Variants in TTN observed in about 807,000 individuals in gnomAD.
TTN encodes connectin.
In TTN, 1,525 loss-of-function variants were observed where a neutral mutation model predicts 3,223.0. The observed-to-expected ratio is 0.47, with a 90% confidence interval of 0.45 to 0.49. The LOEUF (loss-of-function observed/expected upper bound fraction) is 0.49. Ranked by LOEUF, TTN falls within the 20% of genes least tolerant of loss-of-function variation. The pLI is 0.00. For synonymous variants in TTN, 14,094 were observed against 15,161.0 expected (o/e 0.93, Z 5.17); for missense variants, 40,786 against 43,424.0 (o/e 0.94, Z 5.40).
rs1351154366 is a variant in TTN, at chr2:178,728,485, G to C, written c.19426+15C>G. On this transcript the variant is annotated intron_variant, in intron 66 of 362. Coordinates refer to ENST00000589042, the MANE Select transcript of TTN (RefSeq NM_001267550.2). ...ACTATAAATAAGGGAAGCTGACTGG[G>C]GTGAAGATACAAACCTAGCACTCTT... 9.4e-6 allele frequency: 15 copies of C among 1,596,674 alleles called. No homozygotes were observed. The highest frequency in any genetic ancestry group is 3.4e-6 in the Non-Finnish European group (4 of 1,169,344).
intron 47 of TTN, chr2:178,747,357 G>A (rs764185610): frequency 1.2e-6 from 2 of 1,613,302 alleles, no homozygotes; most frequent in Admixed American, 1.7e-5. Flanking sequence ...ATTGAGGATT[G>A]TTTAGTTATA....
chr2:178,786,769 C>A (rs1295782922), intron 13 of TTN, among the ~76,000 whole-genome samples: 4 of 152,096 alleles, frequency 2.6e-5, no homozygotes, highest in Admixed American at 2.6e-4. Context: ...CAAAGAGAAC[C>A]CCGTGCAAAT....
At position 178,601,324 on chromosome 2, in the gene TTN, C is replaced by T. The variant is rs115867512; in HGVS notation, c.55673G>A (p.Arg18558His). 177 of 1,607,778 alleles carry T rather than the reference C, an allele frequency of 1.1e-4. No individual in the cohort carries two copies. Among genetic ancestry groups the T allele is most frequent in the African/African-American group, 2.1e-4 (16 of 74,868 alleles). The change falls in exon 287 of 363, where the codon CGT becomes CAT. Residue 18558 changes from arginine to histidine, a missense_variant. Arg to His is a conservative substitution (Grantham distance 29). Coordinates refer to ENST00000589042, the MANE Select transcript of TTN (RefSeq NM_001267550.2). ...QYFFRVRAEN[R>H]FGIGPPVETI... is the part of the protein sequence containing the mutation. ...TTCCACAGGTGGGCCAATACCAAAA[C>T]GGTTTTCTGCTCGCACACGGAAGAA...
Position 178,554,493 on chromosome 2 carries a change from C to T in TTN, c.88854G>A (p.Glu29618=), listed in dbSNP as rs2154152956. 4.3e-6 allele frequency: 7 copies of T among 1,613,104 alleles called. No individual in the cohort carries two copies. Among genetic ancestry groups the T allele is most frequent in the Non-Finnish European group, 5.9e-6 (7 of 1,179,606 alleles). ...VRAVNKYGIG[E]PLESDSVVAK... Reference sequence around the variant, plus strand: ...CTACAACGGAATCAGATTCCAGTGGCTCGCCAATTCCATATTTGTTCACGG... The same window carrying T: ...CTACAACGGAATCAGATTCCAGTGGTTCGCCAATTCCATATTTGTTCACGG... The change falls in exon 332 of 363, where the codon GAG becomes GAA. Residue 29618 remains glutamate, a synonymous_variant. Transcript: ENST00000589042.
Position 178,800,612 on chromosome 2 carries a change from T to A in TTN, c.366A>T (p.Arg122Ser). The change falls in exon 4 of 363, where the codon AGA becomes AGT. Residue 122 changes from arginine to serine, a missense_variant. Arg to Ser is a moderately radical substitution (Grantham distance 110, BLOSUM62 -1). Transcript: ENST00000589042. ...SMTVRQGSQV[R>S]LQVRVTGIPT... ...GGATTCCAGTCACTCTCACTTGGAG[T>A]CTCACTTGGCTTCCTTGTCTCACGG... 1 of 1,613,056 alleles carries A rather than the reference T, an allele frequency of 6.2e-7. No homozygotes were observed. Among genetic ancestry groups the A allele is most frequent in the Non-Finnish European group, 8.5e-7 (1 of 1,179,390 alleles).
chr2:178,678,691 T>G, intron 143 of TTN, 56 bp downstream of exon 143: 2 of 1,521,592 alleles, frequency 1.3e-6, no homozygotes, highest in Non-Finnish European at 1.8e-6. Flanking sequence ...ACCAATTAAT[T>G]TTTACCCATA....
chr2:178,698,979 C>G, intron 111 of TTN, 65 bp from the exon 112 acceptor site: 1 of 1,381,844 alleles, frequency 7.2e-7, no homozygotes, highest in Non-Finnish European at 9.6e-7. Context: ...AAAATGCTTT[C>G]AGGAAACTAG....
At chr2:178,696,307 A>G (rs1250924392) in intron 113 of TTN, 38 bp from the exon 114 acceptor site, 6 of 1,446,972 alleles carry the variant, frequency 4.1e-6, no homozygotes, top group African/African-American at 2.9e-5. Context: ...TATTAATTCT[A>G]TCCATCCAAC....
rs748143013 is a variant in TTN at position 178,601,114 on chromosome 2, T to G, written c.55790A>C (p.His18597Pro). Reference sequence around the variant, plus strand: ...ATTCTTCGGGGGTTTCCATGACAGATGCACTGTGTTCTTTGTGATGAGGCC... The same window carrying G: ...ATTCTTCGGGGGTTTCCATGACAGAGGCACTGTGTTCTTTGTGATGAGGCC... Reference protein sequence around the residue: ...KIGLITKNTVHLSWKPPKNDG... With the variant: ...KIGLITKNTVPLSWKPPKNDG... The change falls in exon 288 of 363, where the codon CAT becomes CCT. Residue 18597 changes from histidine (H) to proline (P), a missense_variant. Physicochemically the swap from His to Pro is moderately conservative, Grantham distance 77 (BLOSUM62 -2). Coordinates refer to ENST00000589042, the MANE Select transcript of TTN (RefSeq NM_001267550.2). 1 of 1,589,296 alleles carries G rather than the reference T, an allele frequency of 6.3e-7. No individual in the cohort carries two copies. Among genetic ancestry groups the G allele is most frequent in the Admixed American group, 1.8e-5 (1 of 56,934 alleles).
chr2:178,642,786 G>A (rs2061410645), intron 218 of TTN, among the ~76,000 whole-genome samples: 1 of 151,996 alleles, frequency 6.6e-6, no homozygotes, highest in Non-Finnish European at 1.5e-5. Context: ...TTGTGACTTT[G>A]ATGCTGGGGA....
intron 213 of TTN, among the ~76,000 whole-genome samples, chr2:178,648,222 G>A (rs1255860226): frequency 6.6e-6 from 1 of 151,994 alleles, no homozygotes; most frequent in Non-Finnish European, 1.5e-5. Context: ...GGCATTTGAA[G>A]TACTCCAAAA....
intron 111 of TTN, among the ~76,000 whole-genome samples, chr2:178,700,553 T>A (rs914482656): frequency 6.6e-6 from 1 of 152,236 alleles, no homozygotes; most frequent in Non-Finnish European, 1.5e-5. Flanking sequence ...ACACAAATAC[T>A]ACAACTTCTC....
chr2:178,591,552 A>T (rs2050205752), intron 303 of TTN, 47 bp downstream of exon 303: 2 of 1,588,324 alleles, frequency 1.3e-6, no homozygotes, highest in African/African-American at 2.7e-5. Flanking sequence ...CACCTATATG[A>T]ATAATTTTAA....
Position 178,741,168 on chromosome 2 carries a change from C to T in TTN, c.12065G>A (p.Cys4022Tyr), listed in dbSNP as rs2082415134. Residue 4022 changes from cysteine to tyrosine, a missense_variant, in exon 48 of 363, where the codon TGT becomes TAT. Transcript: ENST00000589042. ...KAENMLGEST[C>Y]AAELLVLLED... Reference sequence around the variant, plus strand: ...CAGAAGCACAAGCAGCTCTGCTGCACAGGTGGACTCACCCAACATATTCTC... The same window carrying T: ...CAGAAGCACAAGCAGCTCTGCTGCATAGGTGGACTCACCCAACATATTCTC... 6.2e-7 allele frequency: 1 copy of T among 1,613,320 alleles called. No homozygotes were observed.
chr2:178,604,469 T>C (rs1326136631), intron 281 of TTN, among the ~76,000 whole-genome samples, 164 bp from the exon 282 acceptor site: 2 of 151,918 alleles, frequency 1.3e-5, no homozygotes, highest in African/African-American at 4.8e-5. Context: ...TTTTTTAAAA[T>C]AAAAATATGT....
chr2:178,784,435 T>G, intron 15 of TTN, 84 bp from the exon 16 acceptor site: 1 of 1,530,012 alleles, frequency 6.5e-7, no homozygotes, highest in Non-Finnish European at 8.9e-7. Context: ...GAGCCTATTT[T>G]CTATAAGGTC....
At chr2:178,625,811 G>A (rs1046875589) in intron 240 of TTN, among the ~76,000 whole-genome samples, 2 of 151,858 alleles carry the variant, frequency 1.3e-5, no homozygotes, top group Admixed American at 6.6e-5. Flanking sequence ...ATGATAGACC[G>A]GATTAAGAAA....
intron 102 of TTN, 33 bp downstream of exon 102, chr2:178,706,420 TG>T: frequency 6.4e-7 from 1 of 1,567,232 alleles, no homozygotes; most frequent in Non-Finnish European, 8.7e-7. Flanking sequence ...TATGGAGGGC[TG>T]ATTGTACGAT....
In TTN at chr2:178,577,232, C is replaced by T. The variant is rs200878877; in HGVS notation, c.69103G>A (p.Val23035Ile). The T allele has an allele frequency of 8.2e-5, 132 of 1,612,764 alleles. 1 individual carries two copies. The highest frequency in any genetic ancestry group is 9.8e-5 in the Non-Finnish European group (115 of 1,179,474). ...GGACCAGGTACATCAAGGACTGTTA[C>T]CTTCACATGTTCCACCTTCGTGCCA... ...PFGTKVEHVK[V>I]TVLDVPGPPG... The change falls in exon 324 of 363, where the codon GTA (valine) becomes ATA (isoleucine). Residue 23035 changes from valine (V) to isoleucine (I), a missense_variant. Val to Ile is a conservative substitution (Grantham distance 29). Transcript: ENST00000589042.
Sources: gnomAD v4.1 joint callset for allele counts (sites outside exome capture counted in the v4.1 genomes callset) on GRCh38, gnomAD v4.1.1 for gene constraint, MANE v1.5 for transcripts, NCBI Gene and HGNC (gene_info 2026-07-23, HGNC 2026-07-21) for gene names.